COL15A1: variants seen among roughly 807,000 people sequenced by gnomAD.
COL15A1 encodes the protein collagen type XV alpha 1 chain.
COL15A1 carries 111 observed loss-of-function variants against 165.9 expected under a neutral mutation model. The ratio of observed to expected loss-of-function variants is 0.67; its 90% confidence interval spans 0.57 to 0.78. COL15A1 has a LOEUF of 0.78. COL15A1 is among the 30% of genes least tolerant of loss of function. COL15A1 has a pLI of 0.00. For synonymous variants in COL15A1, 659 were observed against 674.8 expected (o/e 0.98, Z 0.36); for missense variants, 1,745 against 1,789.7 (o/e 0.98, Z 0.45).
At chr9:99,047,713 G>C in intron 26 of COL15A1, 73 bp from the exon 27 acceptor site, 2 of 1,490,660 alleles carry the variant, frequency 1.3e-6, no homozygotes, top group East Asian at 4.5e-5. Context: ...CTGCAAAAGC[G>C]GGCTTGCACT....
At chr9:99,058,074 T>A (rs1825753317) in intron 35 of COL15A1, among the ~76,000 whole-genome samples, 1 of 152,300 alleles carries the variant, frequency 6.6e-6, no homozygotes, top group Middle Eastern at 3.4e-3. Flanking sequence ...TCTCTGGCCA[T>A]CTCTTGTCTC....
In COL15A1 at chr9:99,035,374, C is replaced by A. The variant is rs1839283258; in HGVS notation, c.2245C>A (p.Gln749Lys). 1 of 1,614,144 alleles carries A rather than the reference C, an allele frequency of 6.2e-7. No homozygotes were observed. The highest frequency in any genetic ancestry group is 1.3e-5 in the African/African-American group (1 of 75,038). Reference protein sequence around the residue: ...FEDTEGSGSTQLLNEPKLSRP... With the variant: ...FEDTEGSGSTKLLNEPKLSRP... ...GGATACCGAAGGCTCTGGAAGCACC[C>A]AGCTATTGAATGAACCCAAACTCTC... is the stretch of plus-strand genomic sequence containing the variant. Residue 749 changes from glutamine (Q) to lysine (K), a missense_variant, in exon 19 of 42, where the codon CAG (glutamine) becomes AAG (lysine). Physicochemically the swap from Gln to Lys is moderately conservative, Grantham distance 53 (BLOSUM62 1). Transcript: ENST00000375001.
At chr9:99,010,147 G>T (rs1193253375) in intron 9 of COL15A1, among the ~76,000 whole-genome samples, 1 of 152,200 alleles carries the variant, frequency 6.6e-6, no homozygotes, top group African/African-American at 2.4e-5. Flanking sequence ...GGATCTGTAG[G>T]TGAGGCTTTA....
chr9:98,997,619 CA>C (rs1293413359), intron 6 of COL15A1, among the ~76,000 whole-genome samples: 5 of 152,216 alleles, frequency 3.3e-5, no homozygotes, highest in Admixed American at 6.5e-5. Context: ...CTGTGTGGCA[CA>C]AGTGAGAAAC....
At chr9:98,946,138 C>T (rs1837580603) in intron 2 of COL15A1, among the ~76,000 whole-genome samples, 2 of 152,334 alleles carry the variant, frequency 1.3e-5, no homozygotes, top group South Asian at 4.1e-4. Context: ...ACTTATAAAA[C>T]ACTTTGTATA....
chr9:98,958,717 T>C (rs1235942550), intron 2 of COL15A1, among the ~76,000 whole-genome samples: 3 of 152,196 alleles, frequency 2.0e-5, no homozygotes, highest in Non-Finnish European at 4.4e-5. Flanking sequence ...AAATTGCAAC[T>C]GAATGTCTTC....
intron 24 of COL15A1, among the ~76,000 whole-genome samples, chr9:99,044,188 T>C (rs1352593846): frequency 6.6e-6 from 1 of 152,046 alleles, no homozygotes; most frequent in Non-Finnish European, 1.5e-5. Context: ...GAGGGCACCA[T>C]GTGGCAGGAG....
chr9:99,063,818 A>C (rs894957285), intron 39 of COL15A1, among the ~76,000 whole-genome samples: 1 of 152,176 alleles, frequency 6.6e-6, no homozygotes, highest in South Asian at 2.1e-4. Context: ...TAATTGGGTC[A>C]TTGATTGAAT....
At chr9:99,031,552 T>C (rs7863250) in intron 16 of COL15A1, among the ~76,000 whole-genome samples, 7,590 of 152,214 alleles carry the variant, frequency 0.05, 447 homozygotes, top group East Asian at 0.13. Flanking sequence ...GCAGGCAGTT[T>C]TGCGGACACG....
chr9:98,994,375 G>A lies in COL15A1; in HGVS notation c.805-2559G>A, dbSNP rs547154617. Among the ~76,000 whole-genome samples the A allele has an allele frequency of 2.5e-4, 38 of 152,244 alleles. 1 individual carries two copies. In the South Asian group the frequency reaches 6.6e-3, roughly 27 times the overall value. On this transcript the variant is annotated intron_variant, in intron 5 of 41. Coordinates refer to ENST00000375001, the MANE Select transcript of COL15A1 (RefSeq NM_001855.5). ...CCCTCCATGGCGCCTTAGTTCCTGC[G>A]GTTCTGTTTGCCTGGAGGGCCCCTC...
chr9:99,040,629 G>A, intron 23 of COL15A1, 73 bp downstream of exon 23: 1 of 1,612,810 alleles, frequency 6.2e-7, no homozygotes. Context: ...ACCTAGAATG[G>A]CATTTCCTCC....
chr9:98,998,893 G>A (rs1838596151), intron 6 of COL15A1, among the ~76,000 whole-genome samples: 1 of 152,224 alleles, frequency 6.6e-6, no homozygotes, highest in South Asian at 2.1e-4. Context: ...CAGCCCGGAT[G>A]GTGGGAGAAA....
intron 39 of COL15A1, 91 bp downstream of exon 39, chr9:99,063,200 A>G (rs568016326): frequency 5.1e-6 from 7 of 1,365,078 alleles, no homozygotes; most frequent in Non-Finnish European, 6.7e-6. Context: ...TCCTACCATC[A>G]TGATACTTAT....
intron 5 of COL15A1, among the ~76,000 whole-genome samples, chr9:98,991,813 T>C (rs1588505474): frequency 6.6e-6 from 1 of 150,964 alleles, no homozygotes; most frequent in African/African-American, 2.4e-5. Flanking sequence ...ACACAGAGTG[T>C]TGATTGGTGT....
intron 16 of COL15A1, among the ~76,000 whole-genome samples, chr9:99,027,464 C>G (rs747699927): frequency 6.6e-6 from 1 of 152,076 alleles, no homozygotes; most frequent in Non-Finnish European, 1.5e-5. Context: ...TTACATGTAC[C>G]AACAGTTTTA....
At chr9:98,944,981 A>G (rs1012220372) in intron 2 of COL15A1, among the ~76,000 whole-genome samples, 1 of 152,222 alleles carries the variant, frequency 6.6e-6, no homozygotes, top group Non-Finnish European at 1.5e-5. Context: ...ATCTTGGGCA[A>G]TGGATTTCAT....
chr9:99,064,206 G>C (rs1202842422), intron 39 of COL15A1, among the ~76,000 whole-genome samples: 1 of 152,136 alleles, frequency 6.6e-6, no homozygotes, highest in African/African-American at 2.4e-5. Flanking sequence ...TCTTACAGCT[G>C]CTGACCCCAG....
In COL15A1 at chr9:99,034,542, T is replaced by A. The variant is rs773452743; in HGVS notation, c.2044-7T>A. ...TTGGTCCATGTTTTTGTTTTTGTTTTTTTCAGGGAGCAAGAGGGCCTAATG... is the reference window on the plus strand; with the variant it reads ...TTGGTCCATGTTTTTGTTTTTGTTTATTTCAGGGAGCAAGAGGGCCTAATG... On this transcript the variant is annotated splice_polypyrimidine_tract_variant and splice_region_variant and intron_variant, in intron 16 of 41. Transcript: ENST00000375001. 1 of 1,584,852 alleles carries A rather than the reference T, an allele frequency of 6.3e-7. No homozygotes were observed. The highest frequency in any genetic ancestry group is 8.5e-7 in the Non-Finnish European group (1 of 1,171,456).
chr9:99,003,301 G>A (rs976366731), intron 7 of COL15A1, 152 bp from the exon 8 acceptor site: 2 of 584,876 alleles, frequency 3.4e-6, no homozygotes, highest in African/African-American at 1.9e-5. Flanking sequence ...CCCATCCCTG[G>A]ATTTATGAAA....
Sources: gnomAD v4.1 joint callset for allele counts (sites outside exome capture counted in the v4.1 genomes callset) on GRCh38, gnomAD v4.1.1 for gene constraint, MANE v1.5 for transcripts, NCBI Gene and HGNC (gene_info 2026-07-23, HGNC 2026-07-21) for gene names.